Variants in EXOC4 observed in about 807,000 individuals in gnomAD.
EXOC4 encodes SEC8-like 1.
A neutral mutation model predicts 107.2 loss-of-function variants in EXOC4; 71 were observed. The ratio of observed to expected loss-of-function variants is 0.66; its 90% confidence interval spans 0.55 to 0.81. The LOEUF (loss-of-function observed/expected upper bound fraction) is 0.81. Among genes scored for constraint, EXOC4 ranks in the 30% least tolerant of loss-of-function variants. The pLI is 0.00. For synonymous variants in EXOC4, 456 were observed against 441.2 expected, an observed-to-expected ratio of 1.03 and a Z score of -0.42; for missense variants, 1,108 against 1,189.6, an observed-to-expected ratio of 0.93 and a Z score of 1.01.
intron 17 of EXOC4, among the ~76,000 whole-genome samples, chr7:134,051,382 G>T (rs1428494913): frequency 1.3e-5 from 2 of 152,160 alleles, no homozygotes; most frequent in Admixed American, 6.5e-5. Context: ...TAAAAATGTG[G>T]CTTCATGGGG....
intron 4 of EXOC4, among the ~76,000 whole-genome samples, chr7:133,308,063 T>C (rs966147492): frequency 2.0e-5 from 3 of 152,202 alleles, no homozygotes; most frequent in Admixed American, 6.5e-5. Context: ...TTTAAGTCTT[T>C]AAAGCTTCAG....
intron 9 of EXOC4, among the ~76,000 whole-genome samples, chr7:133,550,376 C>T (rs924001281): frequency 1.8e-4 from 28 of 152,054 alleles, no homozygotes; most frequent in African/African-American, 6.3e-4. Flanking sequence ...CCTGTTTAGA[C>T]TTGTTTTATT....
At chr7:134,079,736 A>C in the EXOC4 span, among the ~76,000 whole-genome samples, 1 of 152,192 alleles carries the variant, frequency 6.6e-6, no homozygotes, top group Non-Finnish European at 1.5e-5. Flanking sequence ...TAGGACATCT[A>C]CTAACCATCA....
At chr7:133,610,506 A>G (rs10252835) in intron 9 of EXOC4, among the ~76,000 whole-genome samples, 54,717 of 152,042 alleles carry the variant, frequency 0.36, 10,635 homozygotes, top group African/African-American at 0.51. Context: ...CTAGGACCAC[A>G]GAATATAATT....
chr7:133,829,721 C>T (rs975806933), intron 11 of EXOC4, among the ~76,000 whole-genome samples: 4 of 152,164 alleles, frequency 2.6e-5, no homozygotes, highest in Admixed American at 2.0e-4. Flanking sequence ...ACAGGAGCAG[C>T]CATCTTGGCT....
intron 11 of EXOC4, among the ~76,000 whole-genome samples, chr7:133,865,421 T>C (rs185194545): frequency 3.3e-5 from 5 of 152,344 alleles, no homozygotes; most frequent in African/African-American, 9.6e-5. Flanking sequence ...AACATACAAT[T>C]ATACTACATT....
At chr7:133,674,312 A>G (rs1364822444) in intron 10 of EXOC4, among the ~76,000 whole-genome samples, 1 of 152,228 alleles carries the variant, frequency 6.6e-6, no homozygotes, top group Non-Finnish European at 1.5e-5. Flanking sequence ...GCTTTACTAT[A>G]AAACAAGCCA....
intron 14 of EXOC4, among the ~76,000 whole-genome samples, chr7:133,980,376 G>C (rs558717943): frequency 1.8e-4 from 27 of 152,348 alleles, no homozygotes; most frequent in Admixed American, 9.8e-4. Flanking sequence ...AGCACTTACT[G>C]TGTGCCGAAG....
chr7:133,977,683 G>A (rs1401699786), intron 14 of EXOC4, among the ~76,000 whole-genome samples: 1 of 151,658 alleles, frequency 6.6e-6, no homozygotes, highest in Non-Finnish European at 1.5e-5. Flanking sequence ...TGTTGTTGTG[G>A]TTTATTTGTT....
At position 133,857,363 on chromosome 7, in the gene EXOC4, A is replaced by G. The variant is rs1296901446; in HGVS notation, c.1735-38236A>G. On this transcript the variant is annotated intron_variant, in intron 11 of 17. Coordinates refer to ENST00000253861, the MANE Select transcript of EXOC4 (RefSeq NM_021807.4). ...TATATATATATATATATATATATAT[A>G]TATTTTACCTCTACTTAACCTCCCT... Among the ~76,000 whole-genome samples, 4 of 68,786 alleles carry G rather than the reference A, an allele frequency of 5.8e-5. No homozygotes were observed. The South Asian group carries it at 2.0e-3, about 35-fold the overall frequency. 45.1% of individuals were successfully genotyped at this position (68,786 alleles called of 152,430 possible).
At chr7:133,488,599 A>G (rs1354147638) in intron 9 of EXOC4, among the ~76,000 whole-genome samples, 1 of 152,184 alleles carries the variant, frequency 6.6e-6, no homozygotes, top group Non-Finnish European at 1.5e-5. Context: ...GGAAAAAAAC[A>G]AAGAAATTGG....
rs536282927 is a variant in EXOC4, at chr7:133,763,523, G to A, written c.1515-53802G>A. Among the ~76,000 whole-genome samples the A allele has an allele frequency of 9.9e-5, 15 of 152,168 alleles. No homozygotes were observed. The South Asian group carries it at 2.9e-3, about 29-fold the overall frequency. On this transcript the variant is annotated intron_variant, in intron 10 of 17. Coordinates refer to ENST00000253861, the MANE Select transcript of EXOC4 (RefSeq NM_021807.4). ...CAGATTATGTAACCTCTTGCTCCCC[G>A]AGTTTGCTCATCTGTAAAATAACTT...
At chr7:133,881,177 G>GTGTA (rs1187197169) in intron 11 of EXOC4, among the ~76,000 whole-genome samples, 1 of 152,036 alleles carries the variant, frequency 6.6e-6, no homozygotes, top group Non-Finnish European at 1.5e-5. Context: ...TACTCTGTGT[G>GTGTA]TGTATGTATG....
intron 9 of EXOC4, among the ~76,000 whole-genome samples, chr7:133,498,705 C>T (rs17597732): frequency 0.015 from 2,333 of 152,316 alleles, 25 homozygotes; most frequent in Middle Eastern, 0.041. Flanking sequence ...ATTCTTTATA[C>T]CAGAACTAGA....
At chr7:133,782,925 G>T (rs1190261696) in intron 10 of EXOC4, among the ~76,000 whole-genome samples, 1 of 152,156 alleles carries the variant, frequency 6.6e-6, no homozygotes, top group Non-Finnish European at 1.5e-5. Flanking sequence ...TTGGAAAGCA[G>T]GGTGTCAGAG....
chr7:133,408,774 A>ATATG (rs1797286631), intron 7 of EXOC4, among the ~76,000 whole-genome samples: 1 of 152,152 alleles, frequency 6.6e-6, no homozygotes, highest in South Asian at 2.1e-4. Flanking sequence ...GTTGCTTCTC[A>ATATG]CGTTATTTCC....
At position 133,937,892 on chromosome 7, in the gene EXOC4, G is replaced by A. The variant is rs1401627126; in HGVS notation, c.2029G>A (p.Ala677Thr). Residue 677 changes from alanine to threonine, a missense_variant and splice_region_variant, in exon 14 of 18, where the codon GCA becomes ACA. By Grantham distance (58) the Ala-to-Thr change is moderately conservative. Transcript: ENST00000253861. ...GTGTGTTTCTGATTTGCTTTTCAGG[G>A]CAGCTTTTGGCAAGGAGTCTGAAGT... Reference protein sequence around the residue: ...KREEEEDFIRAAFGKESEVLI... With the variant: ...KREEEEDFIRTAFGKESEVLI... 6.2e-7 allele frequency: 1 copy of A among 1,614,086 alleles called. No homozygotes were observed.
chr7:133,411,771 A>G (rs1209205669), intron 7 of EXOC4, among the ~76,000 whole-genome samples: 1 of 152,134 alleles, frequency 6.6e-6, no homozygotes, highest in Non-Finnish European at 1.5e-5. Context: ...AGGCATCTCC[A>G]GGTGCAAATT....
At chr7:133,535,173 T>C (rs780658278) in intron 9 of EXOC4, among the ~76,000 whole-genome samples, 1 of 152,158 alleles carries the variant, frequency 6.6e-6, no homozygotes, top group Non-Finnish European at 1.5e-5. Flanking sequence ...AGTTGACATT[T>C]GAGATGATGT....
Sources: allele counts gnomAD v4.1 joint callset (sites outside exome capture counted in the v4.1 genomes callset), GRCh38; gene constraint gnomAD v4.1.1; transcripts MANE v1.5; gene names NCBI Gene and HGNC (gene_info 2026-07-23, HGNC 2026-07-21).